Variants in VPS13D observed in about 807,000 individuals in gnomAD.
VPS13D encodes the protein intermembrane lipid transfer protein VPS13D.
A neutral mutation model predicts 461.9 loss-of-function variants in VPS13D; 187 were observed. The observed-to-expected ratio is 0.40, with a 90% CI of 0.36 to 0.46. The LOEUF (loss-of-function observed/expected upper bound fraction) is 0.46. Ranked by LOEUF, VPS13D falls within the 20% of genes least tolerant of loss-of-function variation. The probability of loss-of-function intolerance (pLI) is 0.60; values close to 1 mark genes in which losing one functional copy is unlikely to be tolerated. For missense variants in VPS13D, 4,711 were observed against 5,364.9 expected (o/e 0.88, Z 3.81); for synonymous variants, 1,951 against 1,986.3 (o/e 0.98, Z 0.47).
intron 35 of VPS13D, 136 bp downstream of exon 35, chr1:12,323,916 G>A: frequency 2.4e-6 from 2 of 837,090 alleles, no homozygotes; most frequent in Non-Finnish European, 3.9e-6. Flanking sequence ...TCTCTGGACT[G>A]CATATCATCT....
intron 22 of VPS13D, among the ~76,000 whole-genome samples, chr1:12,290,595 A>G (rs1304855589): frequency 1.3e-5 from 2 of 151,892 alleles, no homozygotes; most frequent in Admixed American, 6.6e-5. Flanking sequence ...GGTGGTGGGC[A>G]CCTGTAGTCC....
chr1:12,477,652 G>A (rs573815192), intron 67 of VPS13D, among the ~76,000 whole-genome samples: 1 of 152,164 alleles, frequency 6.6e-6, no homozygotes, highest in African/African-American at 2.4e-5. Context: ...GATAGATTCG[G>A]CAGGTCTAAT....
intron 65 of VPS13D, among the ~76,000 whole-genome samples, chr1:12,445,519 C>T (rs559260976): frequency 2.0e-5 from 3 of 152,154 alleles, no homozygotes; most frequent in Non-Finnish European, 4.4e-5. Flanking sequence ...TTTTAATGTC[C>T]TTTCCCAGGT....
chr1:12,451,186 A>G (rs975335220), intron 65 of VPS13D, among the ~76,000 whole-genome samples: 2 of 152,016 alleles, frequency 1.3e-5, no homozygotes, highest in African/African-American at 4.8e-5. Flanking sequence ...TAGAAAATCA[A>G]CCCTTCGGAG....
At chr1:12,368,867 C>T (rs899544531) in intron 53 of VPS13D, among the ~76,000 whole-genome samples, 1 of 152,152 alleles carries the variant, frequency 6.6e-6, no homozygotes, top group African/African-American at 2.4e-5. Context: ...TGACACTGTG[C>T]CTTCTGTAGA....
intron 67 of VPS13D, among the ~76,000 whole-genome samples, chr1:12,463,421 C>A (rs1224338528): frequency 6.6e-6 from 1 of 152,164 alleles, no homozygotes; most frequent in Non-Finnish European, 1.5e-5. Context: ...TCCATTTGTC[C>A]AGGTCCAGAA....
At chr1:12,377,320 A>G (rs1305396809) in intron 55 of VPS13D, among the ~76,000 whole-genome samples, 1 of 150,428 alleles carries the variant, frequency 6.6e-6, no homozygotes, top group Non-Finnish European at 1.5e-5. Context: ...TCGGCCTCCC[A>G]AAGTGCTTGG....
Position 12,349,242 on chromosome 1 carries a change from C to G in VPS13D, c.9299C>G (p.Ala3100Gly), listed in dbSNP as rs755933383. 3 of 1,614,170 alleles carry G rather than the reference C, an allele frequency of 1.9e-6. No homozygotes were observed. The highest frequency in any genetic ancestry group is 2.5e-6 in the Non-Finnish European group (3 of 1,180,034). Residue 3100 changes from alanine (A) to glycine (G), a missense_variant, in exon 46 of 70, where the codon GCC (alanine) becomes GGC (glycine). This residue lies in a region of VPS13D where 4,411 missense variants were observed against 4,937.8 expected (regional missense o/e 0.89). Coordinates refer to ENST00000620676, the MANE Select transcript of VPS13D (RefSeq NM_015378.4). ...CACCTCACTTCTTGGCGGCTACAGG[C>G]CCGGCCCAAAGGATTGGGTGTATTT... is the stretch of plus-strand genomic sequence containing the variant. ...PLHLTSWRLQ[A>G]RPKGLGVFFC... is the part of the protein sequence containing the mutation.
At chr1:12,377,383 C>CT (rs1455081795) in intron 55 of VPS13D, among the ~76,000 whole-genome samples, 5 of 151,880 alleles carry the variant, frequency 3.3e-5, no homozygotes, top group Non-Finnish European at 5.9e-5. Context: ...TTATGTAAGT[C>CT]TTATGGACCA....
At chr1:12,352,444 G>A in intron 46 of VPS13D, among the ~76,000 whole-genome samples, 1 of 152,088 alleles carries the variant, frequency 6.6e-6, no homozygotes, top group East Asian at 1.9e-4. Context: ...ATTTACAGAA[G>A]AAAATACCCA....
At chr1:12,312,049 G>GA in intron 29 of VPS13D, 124 bp downstream of exon 29, 5 of 723,676 alleles carry the variant, frequency 6.9e-6, no homozygotes, top group South Asian at 2.2e-5. Context: ...TCTGCAGAGT[G>GA]TCTTTTGGTT....
intron 22 of VPS13D, among the ~76,000 whole-genome samples, 188 bp downstream of exon 22, chr1:12,288,501 T>C (rs754287706): frequency 1.3e-5 from 2 of 152,128 alleles, no homozygotes; most frequent in Non-Finnish European, 2.9e-5. Flanking sequence ...ATCATCTGGA[T>C]AGCTTGTTAA....
intron 67 of VPS13D, among the ~76,000 whole-genome samples, chr1:12,482,678 C>T (rs562231913): frequency 6.6e-6 from 1 of 150,636 alleles, no homozygotes; most frequent in East Asian, 2.0e-4. Flanking sequence ...CATTGACAAG[C>T]AAAGAGATTA....
chr1:12,283,039 A>G lies in VPS13D; in HGVS notation c.4937A>G (p.Lys1646Arg), dbSNP rs774494444. The G allele has an allele frequency of 8.6e-5, 139 of 1,614,048 alleles. 1 individual carries two copies. The East Asian group carries it at 3.1e-3, about 36-fold the overall frequency. Reference protein sequence around the residue: ...TLGAQGLVSLKFQDFEVEFSK... With the variant: ...TLGAQGLVSLRFQDFEVEFSK... ...GGGGCCCAAGGTCTTGTGAGCTTAA[A>G]GTTTCAGGACTTTGAGGTGGAATTC... Residue 1646 changes from lysine (K) to arginine (R), a missense_variant, in exon 21 of 70, where the codon AAG (lysine) becomes AGG (arginine). Physicochemically the swap from Lys to Arg is conservative, Grantham distance 26. Coordinates refer to ENST00000620676, the MANE Select transcript of VPS13D (RefSeq NM_015378.4).
chr1:12,257,005 A>G lies in VPS13D; in HGVS notation c.859A>G (p.Met287Val), dbSNP rs757398237. ...TACAAAGCTGCAATACCGGCAAATC[A>G]TGGAATTCCTCAAGGAGCTGGAACG... Reference protein sequence around the residue: ...KLSQLQYRQIMEFLKELERKE... With the variant: ...KLSQLQYRQIVEFLKELERKE... The change falls in exon 9 of 70, where the codon ATG (methionine) becomes GTG (valine). Residue 287 changes from methionine (M) to valine (V), a missense_variant. By Grantham distance (21) the Met-to-Val change is conservative. Transcript: ENST00000620676. 1.2e-6 allele frequency: 2 copies of G among 1,614,186 alleles called. No homozygotes were observed. The highest frequency in any genetic ancestry group is 1.7e-6 in the Non-Finnish European group (2 of 1,180,032).
chr1:12,461,232 A>G (rs1645408758), intron 67 of VPS13D, among the ~76,000 whole-genome samples: 1 of 152,142 alleles, frequency 6.6e-6, no homozygotes, highest in Non-Finnish European at 1.5e-5. Flanking sequence ...TCCCTGAGTG[A>G]ATTAGTACGC....
At chr1:12,238,227 T>C (rs547969415) in intron 2 of VPS13D, among the ~76,000 whole-genome samples, 14 of 68,772 alleles carry the variant, frequency 2.0e-4, no homozygotes, top group Non-Finnish European at 3.5e-4. Context: ...CCCCAAAAAA[T>C]CCCCCCCAAA....
chr1:12,291,723 T>C (rs1450927134), intron 23 of VPS13D, among the ~76,000 whole-genome samples: 3 of 152,236 alleles, frequency 2.0e-5, no homozygotes, highest in Non-Finnish European at 4.4e-5. Context: ...ACTTGGTGTA[T>C]GTCCTGAGAC....
chr1:12,456,012 A>G lies in VPS13D; in HGVS notation c.12348A>G (p.Leu4116=). The G allele has an allele frequency of 6.2e-7, 1 of 1,610,430 alleles. No individual in the cohort carries two copies. The highest frequency in any genetic ancestry group is 1.3e-5 in the African/African-American group (1 of 74,862). The part of the protein sequence containing the change: ...SNSAAKFAGT[L]SDGLGKTMDN... ...ACTCCTTCTAGTTTGCTGGAACATT[A>G]TCAGATGGCTTAGGGAAGACGATGG... The change falls in exon 66 of 70, where the codon TTA becomes TTG. Residue 4116 remains leucine, a synonymous_variant. Coordinates refer to ENST00000620676, the MANE Select transcript of VPS13D (RefSeq NM_015378.4).
Sources: allele counts gnomAD v4.1 joint callset (sites outside exome capture counted in the v4.1 genomes callset), GRCh38; gene constraint gnomAD v4.1.1; regional missense constraint gnomAD v4.1.1; transcripts MANE v1.5; gene names NCBI Gene and HGNC (gene_info 2026-07-23, HGNC 2026-07-21).